ACSM4: variants seen among roughly 807,000 people sequenced by gnomAD.
ACSM4 encodes the protein acyl-coenzyme A synthetase ACSM4, mitochondrial.
In ACSM4, 66 loss-of-function variants were observed where a neutral mutation model predicts 73.0. That is an observed-to-expected ratio of 0.90 (90% CI 0.74 to 1.11). The LOEUF is 1.11. ACSM4 is among the 50% of genes least tolerant of loss of function. The pLI is 0.00. For synonymous variants in ACSM4, 222 were observed against 254.0 expected (o/e 0.87, Z 1.20); for missense variants, 645 against 714.4 (o/e 0.90, Z 1.11).
Position 7,322,557 on chromosome 12 carries a change from A to G in ACSM4, c.1125+16A>G. On this transcript the variant is annotated intron_variant, in intron 7 of 12. Coordinates refer to ENST00000399422, the MANE Select transcript of ACSM4 (RefSeq NM_001080454.2). ...GACGGAAGTGGTATATCTAAAGGGC[A>G]TTTATGTTTAGTATATGTGGGGGCC... 6.2e-7 allele frequency: 1 copy of G among 1,607,580 alleles called. No homozygotes were observed. Among genetic ancestry groups the G allele is most frequent in the Admixed American group, 1.7e-5 (1 of 59,156 alleles).
chr12:7,322,644 TAG>T, intron 7 of ACSM4, 103 bp downstream of exon 7: 3 of 1,429,544 alleles, frequency 2.1e-6, no homozygotes, highest in Non-Finnish European at 1.9e-6. Flanking sequence ...TAAATTTTTA[TAG>T]AGTTTCCCGG....
In ACSM4 at chr12:7,304,590, ATTTCC is replaced by A. The variant is rs1946351675; in HGVS notation, c.201+61_201+65del. On this transcript the variant is annotated intron_variant, in intron 1 of 12. Transcript: ENST00000399422. ...GTGTCCCCTTATCTCTCAGTCTTCC[ATTTCC>A]TTGTTCTGTGGTCTACCACTTAATT... 3 of 1,540,044 alleles carry A rather than the reference ATTTCC, an allele frequency of 1.9e-6. No individual in the cohort carries two copies. The South Asian group carries it at 3.4e-5, about 17-fold the overall frequency.
chr12:7,316,437 A>G (rs1946421020), intron 3 of ACSM4, among the ~76,000 whole-genome samples: 1 of 152,228 alleles, frequency 6.6e-6, no homozygotes, highest in Non-Finnish European at 1.5e-5. Flanking sequence ...ACAAGAAAAT[A>G]TATTCCATTA....
chr12:7,312,883 T>C (rs1234800842), intron 3 of ACSM4, among the ~76,000 whole-genome samples: 1 of 152,224 alleles, frequency 6.6e-6, no homozygotes, highest in African/African-American at 2.4e-5. Context: ...ATTTATATTA[T>C]TTGAATATGC....
chr12:7,323,358 AC>A (rs751347207), intron 8 of ACSM4, 44 bp downstream of exon 8: 331 of 1,595,294 alleles, frequency 2.1e-4, no homozygotes, highest in Middle Eastern at 3.3e-4. Flanking sequence ...AGGAGAGAGA[AC>A]GTTTTCCTTT....
In ACSM4 at chr12:7,308,187, C is replaced by T. The variant is rs370198581; in HGVS notation, c.412+1444C>T. On this transcript the variant is annotated intron_variant, in intron 2 of 12. Transcript: ENST00000399422. ...AATAAAAACAGCATTATATAAAATT[C>T]GTTTATATAAAATTCTTTTTGCATT... Among the ~76,000 whole-genome samples the T allele has an allele frequency of 5.6e-4, 85 of 152,100 alleles. 1 individual carries two copies. In the East Asian group the frequency reaches 0.014, roughly 25 times the overall value.
rs776961968 is a variant in ACSM4 at position 7,323,500 on chromosome 12, AG to A, written c.1252del (p.Glu418LysfsTer29). On this transcript the variant is annotated frameshift_variant, in exon 9 of 13. Transcript: ENST00000399422. LOFTEE classifies it high-confidence loss of function. ...NGNVLPPGKEGEIALRLKPTR... is the reference protein window; with the variant it reads ...NGNVLPPGKEXEIALRLKPTR... ...GCAATGTTCTACCACCTGGCAAAGA[AG>A]GGGAAATTGCCCTCAGACTCAAACC... The A allele has an allele frequency of 1.9e-6, 3 of 1,613,926 alleles. No individual in the cohort carries two copies. Among genetic ancestry groups the A allele is most frequent in the Non-Finnish European group, 1.7e-6 (2 of 1,179,848 alleles).
At chr12:7,314,916 C>A (rs968934040) in intron 3 of ACSM4, among the ~76,000 whole-genome samples, 3 of 152,022 alleles carry the variant, frequency 2.0e-5, no homozygotes, top group African/African-American at 4.8e-5. Context: ...TCACTGTTGG[C>A]TGGAGATGGT....
At chr12:7,322,639 T>C (rs1946472975) in intron 7 of ACSM4, 98 bp downstream of exon 7, 1 of 1,436,726 alleles carries the variant, frequency 7.0e-7, no homozygotes, top group Admixed American at 2.7e-5. Context: ...CACTGTAAAT[T>C]TTTATAGAGT....
intron 2 of ACSM4, among the ~76,000 whole-genome samples, chr12:7,308,084 T>C (rs1946371095): frequency 6.6e-6 from 1 of 152,136 alleles, no homozygotes; most frequent in Non-Finnish European, 1.5e-5. Flanking sequence ...ATTATGGTAA[T>C]TCAACTTGAA....
At chr12:7,316,767 G>A (rs774227774) in intron 3 of ACSM4, among the ~76,000 whole-genome samples, 1 of 152,156 alleles carries the variant, frequency 6.6e-6, no homozygotes, top group Non-Finnish European at 1.5e-5. Flanking sequence ...TAATAGCAAT[G>A]TATGAAGATT....
At chr12:7,310,095 T>C (rs1439972996) in intron 2 of ACSM4, among the ~76,000 whole-genome samples, 2 of 152,120 alleles carry the variant, frequency 1.3e-5, no homozygotes, top group Non-Finnish European at 2.9e-5. Flanking sequence ...CAGGAGACCA[T>C]TGGTTTAGAG....
chr12:7,322,566 T>G (rs1298883831), intron 7 of ACSM4, 25 bp downstream of exon 7: 1 of 1,603,040 alleles, frequency 6.2e-7, no homozygotes, highest in Non-Finnish European at 8.5e-7. Context: ...CATTTATGTT[T>G]AGTATATGTG....
chr12:7,304,570 C>T (rs1946351441), intron 1 of ACSM4, 38 bp downstream of exon 1: 1 of 1,573,954 alleles, frequency 6.4e-7, no homozygotes. Context: ...GCTTGGTGTC[C>T]CCTTATCTCT....
At chr12:7,311,194 TAAAAG>T (rs1455565823) in intron 3 of ACSM4, among the ~76,000 whole-genome samples, 3 of 151,338 alleles carry the variant, frequency 2.0e-5, no homozygotes, top group Non-Finnish European at 4.4e-5. Flanking sequence ...ATAAATAAAA[TAAAAG>T]AAAAGAAAAA....
chr12:7,317,102 T>C (rs755833564), intron 3 of ACSM4, 35 bp from the exon 4 acceptor site: 1 of 1,589,262 alleles, frequency 6.3e-7, no homozygotes, highest in Non-Finnish European at 8.6e-7. Flanking sequence ...TGGTCTGCCA[T>C]CTTCCACCGC....
chr12:7,328,309 C>A lies in ACSM4; in HGVS notation c.1679C>A (p.Pro560Gln). Residue 560 changes from proline to glutamine, a missense_variant, in exon 13 of 13, where the codon CCA becomes CAA. Pro to Gln is a moderately conservative substitution (Grantham distance 76, BLOSUM62 -1). Transcript: ENST00000399422. ...PRKVEFVQELPKTITGKIKRN... is the reference protein window; with the variant it reads ...PRKVEFVQELQKTITGKIKRN... Reference sequence around the variant, plus strand: ...TAGGTGGAATTTGTTCAAGAACTCCCAAAGACAATCACTGGGAAAATCAAA... The same window carrying A: ...TAGGTGGAATTTGTTCAAGAACTCCAAAAGACAATCACTGGGAAAATCAAA... The A allele has an allele frequency of 6.3e-7, 1 of 1,590,458 alleles. No homozygotes were observed. Among genetic ancestry groups the A allele is most frequent in the South Asian group, 1.2e-5 (1 of 86,788 alleles).
At chr12:7,324,149 CTG>C (rs1399653022) in intron 9 of ACSM4, 122 bp from the exon 10 acceptor site, 1 of 1,171,002 alleles carries the variant, frequency 8.5e-7, no homozygotes, top group Non-Finnish European at 1.2e-6. Context: ...GAGAGAGACT[CTG>C]TCTCAAAAAA....
rs374169187 is a variant in ACSM4, at chr12:7,307,544, T to C, written c.412+801T>C. 2.6e-5 allele frequency among the ~76,000 whole-genome samples: 4 copies of C among 152,324 alleles called. No homozygotes were observed. In the East Asian group the frequency reaches 5.8e-4, roughly 22 times the overall value. On this transcript the variant is annotated intron_variant, in intron 2 of 12. Transcript: ENST00000399422. The stretch of plus-strand genomic sequence containing the variant: ...AAGAATATGATTGGCACATCCCAGT[T>C]GAAAAATCTCTACCTTTATTTCAGA...
Sources: gnomAD v4.1 joint callset for allele counts (sites outside exome capture counted in the v4.1 genomes callset) on GRCh38, gnomAD v4.1.1 for gene constraint, MANE v1.5 for transcripts, NCBI Gene and HGNC (gene_info 2026-07-23, HGNC 2026-07-21) for gene names.